Variants in IL1RAPL1 observed in about 807,000 individuals in gnomAD.
IL1RAPL1 encodes interleukin 1 receptor accessory protein like 1.
In IL1RAPL1, 3 loss-of-function variants were observed where a neutral mutation model predicts 48.4. The ratio of observed to expected loss-of-function variants is 0.06; its 90% CI spans 0.03 to 0.16. The LOEUF (loss-of-function observed/expected upper bound fraction) is 0.16. Among genes scored for constraint, IL1RAPL1 ranks in the 10% least tolerant of loss-of-function variants. IL1RAPL1 has a pLI of 1.00. For missense variants in IL1RAPL1, 349 were observed against 530.6 expected (o/e 0.66, Z 3.36); for synonymous variants, 185 against 187.7 (o/e 0.99, Z 0.12).
At chrX:28,769,650 C>T (rs1292687258) in intron 1 of IL1RAPL1, among the ~76,000 whole-genome samples, 1 of 111,296 alleles carries the variant, frequency 9.0e-6, no homozygotes, top group Admixed American at 9.6e-5. Context: ...GAGTATGACA[C>T]AGTGAGTATG....
intron 1 of IL1RAPL1, among the ~76,000 whole-genome samples, chrX:28,691,484 C>T (rs989617816): frequency 1.8e-5 from 2 of 111,729 alleles, no homozygotes; most frequent in African/African-American, 3.3e-5. Flanking sequence ...TACATTTCTT[C>T]GTGTGATTCT....
At chrX:28,843,686 A>G (rs1488521340) in intron 2 of IL1RAPL1, among the ~76,000 whole-genome samples, 1 of 112,263 alleles carries the variant, frequency 8.9e-6, no homozygotes, top group Non-Finnish European at 1.9e-5. Flanking sequence ...ATGTTATACA[A>G]ATTGAAAATT....
At chrX:28,970,358 CT>C (rs546480721) in intron 2 of IL1RAPL1, among the ~76,000 whole-genome samples, 2 of 112,373 alleles carry the variant, frequency 1.8e-5, no homozygotes, top group East Asian at 2.8e-4. Context: ...GCAAGCTTCA[CT>C]TTTTTTATAA....
intron 6 of IL1RAPL1, among the ~76,000 whole-genome samples, chrX:29,897,015 C>T (rs756353973): frequency 8.9e-6 from 1 of 112,596 alleles, no homozygotes; most frequent in African/African-American, 3.2e-5. Flanking sequence ...TGGCACATTA[C>T]AGAGCCAATA....
chrX:29,344,692 C>T (rs1933127050), intron 3 of IL1RAPL1, among the ~76,000 whole-genome samples: 1 of 111,827 alleles, frequency 8.9e-6, no homozygotes, highest in Admixed American at 9.5e-5. Flanking sequence ...GGCTGAAGTG[C>T]AATGGTGCGA....
At chrX:29,453,422 A>T (rs888973039) in intron 5 of IL1RAPL1, among the ~76,000 whole-genome samples, 1 of 111,847 alleles carries the variant, frequency 8.9e-6, no homozygotes, top group African/African-American at 3.2e-5. Flanking sequence ...TCCAAGACAC[A>T]TACATAATCG....
intron 5 of IL1RAPL1, among the ~76,000 whole-genome samples, chrX:29,613,317 G>T (rs2147069463): frequency 9.0e-6 from 1 of 111,031 alleles, no homozygotes; most frequent in South Asian, 3.8e-4. Context: ...TTAAATTCGG[G>T]TCACATTTCA....
intron 5 of IL1RAPL1, among the ~76,000 whole-genome samples, chrX:29,543,115 TTCTCTC>T (rs59836290): frequency 0.016 from 1,497 of 91,667 alleles, 26 homozygotes; most frequent in African/African-American, 0.058. Context: ...ATCTGTTCGT[TTCTCTC>T]TCTCTCTCTC....
intron 2 of IL1RAPL1, among the ~76,000 whole-genome samples, chrX:29,217,456 T>G (rs1930891770): frequency 8.9e-6 from 1 of 112,206 alleles, no homozygotes; most frequent in Admixed American, 9.5e-5. Context: ...TAGTTTAACT[T>G]CCCATTTTGC....
chrX:29,784,915 G>C (rs1413719637), intron 6 of IL1RAPL1, among the ~76,000 whole-genome samples: 2 of 111,899 alleles, frequency 1.8e-5, no homozygotes, highest in African/African-American at 6.5e-5. Context: ...ATAATTTTAA[G>C]TTAAAAGAAT....
intron 2 of IL1RAPL1, among the ~76,000 whole-genome samples, chrX:29,260,099 C>G (rs955471311): frequency 8.9e-6 from 1 of 112,054 alleles, no homozygotes; most frequent in Admixed American, 9.5e-5. Flanking sequence ...ATTACAGTAG[C>G]CTTCCTTATT....
intron 1 of IL1RAPL1, among the ~76,000 whole-genome samples, chrX:28,595,634 A>T (rs770503258): frequency 8.9e-6 from 1 of 112,147 alleles, no homozygotes; most frequent in East Asian, 2.8e-4. Context: ...CTCTCTGCCA[A>T]CTTTATTTCA....
rs747463146 is a variant in IL1RAPL1, at chrX:28,827,895, T to C, written c.82+38470T>C. On this transcript the variant is annotated intron_variant, in intron 2 of 10. Transcript: ENST00000378993. ...TCACCTGCGGTATTATGTCAAATTGTTTTCTCTAATAACACTTTTATAAGT... is the reference window on the plus strand; with the variant it reads ...TCACCTGCGGTATTATGTCAAATTGCTTTCTCTAATAACACTTTTATAAGT... Among the ~76,000 whole-genome samples, 16 of 112,064 alleles carry C rather than the reference T, an allele frequency of 1.4e-4. No individual in the cohort carries two copies. In the South Asian group the frequency reaches 5.8e-3, roughly 41 times the overall value.
At chrX:29,162,749 A>G (rs927293746) in intron 2 of IL1RAPL1, among the ~76,000 whole-genome samples, 2 of 110,870 alleles carry the variant, frequency 1.8e-5, no homozygotes, top group African/African-American at 3.3e-5. Flanking sequence ...TGTTATGTCT[A>G]CCTTCAAGGA....
chrX:28,875,446 A>G (rs1922344033), intron 2 of IL1RAPL1, among the ~76,000 whole-genome samples: 3 of 112,436 alleles, frequency 2.7e-5, no homozygotes, highest in Non-Finnish European at 3.8e-5. Context: ...CCGAATATGA[A>G]TGGGCTAAAA....
intron 2 of IL1RAPL1, among the ~76,000 whole-genome samples, chrX:28,960,854 C>A (rs1050116553): frequency 3.7e-5 from 4 of 108,230 alleles, no homozygotes; most frequent in African/African-American, 6.7e-5. Flanking sequence ...TAAAAAAATA[C>A]AAAAAATTAG....
At chrX:28,774,289 T>C (rs1000875627) in intron 1 of IL1RAPL1, among the ~76,000 whole-genome samples, 2 of 111,895 alleles carry the variant, frequency 1.8e-5, no homozygotes, top group African/African-American at 6.5e-5. Flanking sequence ...TATCTATTGC[T>C]GCATAAAAAG....
intron 6 of IL1RAPL1, among the ~76,000 whole-genome samples, chrX:29,771,435 T>G (rs1256674737): frequency 2.7e-5 from 3 of 112,181 alleles, no homozygotes; most frequent in African/African-American, 9.7e-5. Flanking sequence ...GAATTTTTGG[T>G]AGGGCTTCTC....
chrX:28,676,647 C>T (rs940472978), intron 1 of IL1RAPL1, among the ~76,000 whole-genome samples: 7 of 109,259 alleles, frequency 6.4e-5, no homozygotes, highest in South Asian at 4.0e-4. Context: ...GCAGGAGAAT[C>T]GCTTGAACCA....
Sources: gnomAD v4.1 joint callset for allele counts (sites outside exome capture counted in the v4.1 genomes callset) on GRCh38, gnomAD v4.1.1 for gene constraint, MANE v1.5 for transcripts, NCBI Gene and HGNC (gene_info 2026-07-23, HGNC 2026-07-21) for gene names.